The following LRBA variants were observed in gnomAD, a reference collection of about 807,000 sequenced individuals.
LRBA encodes LPS responsive beige-like anchor protein.
Under a neutral mutation model 330.0 loss-of-function variants are expected in LRBA, and 176 were observed. That is an observed-to-expected ratio of 0.53 (90% CI 0.47 to 0.60). LRBA has a LOEUF of 0.60. Ranked by LOEUF, LRBA falls within the 20% of genes least tolerant of loss-of-function variation. The probability of loss-of-function intolerance (pLI) is 0.00; values close to 1 mark genes in which losing one functional copy is unlikely to be tolerated. For missense variants in LRBA, 3,259 were observed against 3,444.8 expected (o/e 0.95, Z 1.35); for synonymous variants, 1,230 against 1,193.0 (o/e 1.03, Z -0.64).
intron 30 of LRBA, among the ~76,000 whole-genome samples, chr4:150,822,856 C>T (rs941070424): frequency 2.0e-5 from 3 of 152,150 alleles, no homozygotes; most frequent in Non-Finnish European, 4.4e-5. Flanking sequence ...ACCAGCCTGG[C>T]CAACATGGTG....
intron 37 of LRBA, among the ~76,000 whole-genome samples, chr4:150,651,982 C>G (rs1235686090): frequency 6.6e-6 from 1 of 152,090 alleles, no homozygotes; most frequent in East Asian, 1.9e-4. Context: ...TAGCTGGAAC[C>G]ACAGGTGCAT....
chr4:150,867,662 G>T lies in LRBA; in HGVS notation c.2766+9C>A, dbSNP rs776253776. On this transcript the variant is annotated intron_variant, in intron 22 of 56. Transcript: ENST00000651943. ...AAATGCTACAATACGCTTTCATAAA[G>T]AAACTTACCTTTGAATGAGTGATTG... The T allele has an allele frequency of 3.2e-6, 5 of 1,587,060 alleles. No homozygotes were observed. The highest frequency in any genetic ancestry group is 1.8e-5 in the Admixed American group (1 of 55,192).
In LRBA at chr4:150,849,515, G is replaced by C; in HGVS notation, c.4065C>G (p.His1355Gln). 1 of 1,613,078 alleles carries C rather than the reference G, an allele frequency of 6.2e-7. No homozygotes were observed. The highest frequency in any genetic ancestry group is 8.5e-7 in the Non-Finnish European group (1 of 1,179,032). ...CTTGAGAGATGAGATGAATTGTGTT[G>C]TGTACAAAGATGACATTATCACTGC... Reference protein sequence around the residue: ...VNSSDNVIFVHNTIHLISQVM... With the variant: ...VNSSDNVIFVQNTIHLISQVM... Residue 1355 changes from histidine (H) to glutamine (Q), a missense_variant, in exon 25 of 57, where the codon CAC becomes CAG. By Grantham distance (24) the His-to-Gln change is conservative. Transcript: ENST00000651943.
chr4:150,937,412 T>A (rs1362919789), intron 2 of LRBA, among the ~76,000 whole-genome samples: 1 of 152,124 alleles, frequency 6.6e-6, no homozygotes, highest in South Asian at 2.1e-4. Context: ...CTACAAAATG[T>A]AATCTTCCCA....
intron 40 of LRBA, among the ~76,000 whole-genome samples, chr4:150,503,176 G>A (rs4696458): frequency 0.21 from 32,574 of 152,168 alleles, 4,370 homozygotes; most frequent in Non-Finnish European, 0.3. Flanking sequence ...AGACTTAAAT[G>A]TCCCTGTCTG....
intron 37 of LRBA, among the ~76,000 whole-genome samples, chr4:150,643,805 G>C (rs190828848): frequency 6.6e-6 from 1 of 151,978 alleles, no homozygotes; most frequent in Non-Finnish European, 1.5e-5. Context: ...TGGAAAAAAA[G>C]ATATTTCATG....
chr4:150,841,738 C>T (rs294533), intron 28 of LRBA, among the ~76,000 whole-genome samples: 126,666 of 152,060 alleles, frequency 0.83, 54,009 homozygotes, highest in Non-Finnish European at 0.94. Context: ...CTGCAAGCTC[C>T]GCCTCCCGAG....
intron 14 of LRBA, 40 bp downstream of exon 14, chr4:150,900,009 T>C: frequency 1.4e-6 from 2 of 1,434,720 alleles, no homozygotes; most frequent in Non-Finnish European, 1.9e-6. Context: ...AATCCTGATT[T>C]GCATTTGTGT....
intron 37 of LRBA, among the ~76,000 whole-genome samples, chr4:150,676,358 T>C (rs1004317728): frequency 3.9e-5 from 6 of 152,346 alleles, no homozygotes; most frequent in Non-Finnish European, 5.9e-5. Context: ...ACTTTTCTAT[T>C]TCCCCTATTA....
intron 40 of LRBA, among the ~76,000 whole-genome samples, chr4:150,510,382 T>C (rs576400683): frequency 1.6e-3 from 250 of 152,302 alleles, no homozygotes; most frequent in Non-Finnish European, 3.0e-3. Flanking sequence ...GAGGTCAGCA[T>C]TATCCAGATG....
intron 17 of LRBA, among the ~76,000 whole-genome samples, chr4:150,873,994 C>G (rs1028820353): frequency 6.6e-6 from 1 of 152,066 alleles, no homozygotes; most frequent in African/African-American, 2.4e-5. Flanking sequence ...TAGGAAAATA[C>G]TAATATGTTG....
At chr4:150,477,898 C>A (rs1756892744) in intron 42 of LRBA, among the ~76,000 whole-genome samples, 1 of 152,066 alleles carries the variant, frequency 6.6e-6, no homozygotes, top group Non-Finnish European at 1.5e-5. Context: ...GCCAATGAAA[C>A]CCCCTTTCTT....
At chr4:150,617,028 A>C (rs1401027267) in intron 37 of LRBA, among the ~76,000 whole-genome samples, 1 of 152,222 alleles carries the variant, frequency 6.6e-6, no homozygotes, top group Admixed American at 6.5e-5. Flanking sequence ...ACATTTTGTC[A>C]GCAAGCTTGT....
chr4:150,357,411 A>G (rs1239619236), intron 47 of LRBA, among the ~76,000 whole-genome samples: 2 of 152,032 alleles, frequency 1.3e-5, no homozygotes, highest in Admixed American at 6.6e-5. Flanking sequence ...GTGTGCCAAG[A>G]TCAAAAGGAT....
intron 40 of LRBA, among the ~76,000 whole-genome samples, chr4:150,578,310 A>C (rs765752082): frequency 4.7e-4 from 71 of 152,326 alleles, no homozygotes; most frequent in Non-Finnish European, 8.5e-4. Context: ...TTCACTTTTT[A>C]AAGTACTCTG....
In LRBA at chr4:150,991,138, AAAC is replaced by A. The variant is rs1288067203; in HGVS notation, c.216+23286_216+23288del. Among the ~76,000 whole-genome samples, 5 of 152,226 alleles carry A rather than the reference AAAC, an allele frequency of 3.3e-5. No individual in the cohort carries two copies. In the East Asian group the frequency reaches 7.7e-4, roughly 24 times the overall value. ...GAGGAAGAGGAAGCGTAAGAAGAAG[AAAC>A]AACAACACAATTAAACACCACTACA... On this transcript the variant is annotated intron_variant, in intron 2 of 56. Coordinates refer to ENST00000651943, the MANE Select transcript of LRBA (RefSeq NM_001364905.1).
chr4:150,805,438 G>GA (rs1742530074), intron 33 of LRBA, among the ~76,000 whole-genome samples: 1 of 48,166 alleles, frequency 2.1e-5, no homozygotes, highest in Non-Finnish European at 4.1e-5. Flanking sequence ...GAAAGGAAAG[G>GA]AAGGAAAGGG....
At chr4:150,796,559 T>G (rs1249457868) in intron 34 of LRBA, among the ~76,000 whole-genome samples, 1 of 151,986 alleles carries the variant, frequency 6.6e-6, no homozygotes, top group Admixed American at 6.6e-5. Context: ...TCCCATTTGA[T>G]TGCATTAGTA....
chr4:150,919,610 G>A (rs1733026187), intron 5 of LRBA, among the ~76,000 whole-genome samples: 1 of 151,814 alleles, frequency 6.6e-6, no homozygotes, highest in Non-Finnish European at 1.5e-5. Context: ...AAAAGGAAAA[G>A]AATAATTACA....
Sources: allele counts gnomAD v4.1 joint callset (sites outside exome capture counted in the v4.1 genomes callset), GRCh38; gene constraint gnomAD v4.1.1; transcripts MANE v1.5; gene names NCBI Gene and HGNC (gene_info 2026-07-23, HGNC 2026-07-21).